DHX35: variants seen among roughly 807,000 people sequenced by gnomAD.
The protein encoded by DHX35 is probable ATP-dependent RNA helicase DHX35.
DHX35 carries 84 observed loss-of-function variants against 99.6 expected under a neutral mutation model. The ratio of observed to expected loss-of-function variants is 0.84; its 90% CI spans 0.71 to 1.01. The LOEUF is 1.01. Ranked by LOEUF, DHX35 falls within the 50% of genes least tolerant of loss-of-function variation. DHX35 has a pLI of 0.00. For synonymous variants in DHX35, 331 were observed against 316.2 expected, an observed-to-expected ratio of 1.05 and a Z score of -0.50; for missense variants, 852 against 888.5, an observed-to-expected ratio of 0.96 and a Z score of 0.52.
At chr20:39,009,990 C>T (rs1374455312) in intron 12 of DHX35, among the ~76,000 whole-genome samples, 1 of 152,074 alleles carries the variant, frequency 6.6e-6, no homozygotes, top group East Asian at 1.9e-4. Context: ...AGTGATTCAG[C>T]AAGTACTTGT....
intron 8 of DHX35, among the ~76,000 whole-genome samples, chr20:38,998,953 C>T (rs939746913): frequency 2.0e-5 from 3 of 152,028 alleles, no homozygotes; most frequent in Admixed American, 6.6e-5. Context: ...CCTGCCACCA[C>T]GCTCAGCCAA....
At chr20:38,998,571 C>T (rs572175226) in intron 8 of DHX35, among the ~76,000 whole-genome samples, 2 of 152,302 alleles carry the variant, frequency 1.3e-5, no homozygotes, top group Admixed American at 1.3e-4. Context: ...ATGCTTCTTA[C>T]CATGTCTGTA....
At position 38,991,512 on chromosome 20, in the gene DHX35, A is replaced by G. The variant is rs778970354; in HGVS notation, c.509A>G (p.Tyr170Cys). 1.2e-5 allele frequency: 20 copies of G among 1,613,182 alleles called. No individual in the cohort carries two copies. The highest frequency in any genetic ancestry group is 2.2e-5 in the East Asian group (1 of 44,840). ...EMMVDPLLTK[Y>C]SVIMLDEAHE... ...ATGGTTGATCCGTTGTTAACAAAAT[A>G]TAGGTAAATGTGTTTTTCTTATGAT... The change falls in exon 6 of 22, where the codon TAT becomes TGT. Residue 170 changes from tyrosine (Y) to cysteine (C), a missense_variant. Physicochemically the swap from Tyr to Cys is radical, Grantham distance 194 (BLOSUM62 -2). Transcript: ENST00000252011.
chr20:38,992,690 A>G (rs117749076), intron 7 of DHX35, among the ~76,000 whole-genome samples: 2,464 of 151,914 alleles, frequency 0.016, 31 homozygotes, highest in Non-Finnish European at 0.026. Context: ...TATATATACT[A>G]ATTTGTATCT....
intron 13 of DHX35, among the ~76,000 whole-genome samples, chr20:39,012,017 G>A (rs1310850757): frequency 6.6e-6 from 1 of 152,204 alleles, no homozygotes; most frequent in African/African-American, 2.4e-5. Context: ...GGAGGCCGAG[G>A]CAGGTGGATC....
chr20:38,991,399 A>T (rs2086334931), intron 5 of DHX35, 55 bp from the exon 6 acceptor site: 2 of 1,513,554 alleles, frequency 1.3e-6, no homozygotes. Flanking sequence ...AAAAAATACC[A>T]TTAATATGTA....
chr20:38,990,492 G>A (rs887330149), intron 5 of DHX35, among the ~76,000 whole-genome samples: 12 of 152,058 alleles, frequency 7.9e-5, no homozygotes, highest in Admixed American at 5.2e-4. Flanking sequence ...TATGCTAAAC[G>A]CTTTACATGT....
At chr20:38,978,041 C>T (rs964870729) in intron 3 of DHX35, 43 of 741,262 alleles carry the variant, frequency 5.8e-5, no homozygotes, top group Admixed American at 3.1e-4. Context: ...TCTTCCTCTT[C>T]ATCTTCTGAC....
chr20:38,987,700 T>G (rs1031744927), intron 4 of DHX35, among the ~76,000 whole-genome samples: 1 of 152,234 alleles, frequency 6.6e-6, no homozygotes, highest in African/African-American at 2.4e-5. Flanking sequence ...CCTGCATTCA[T>G]TTTTTATTTG....
chr20:39,030,887 G>C, intron 20 of DHX35, 112 bp downstream of exon 20: 2 of 1,226,468 alleles, frequency 1.6e-6, no homozygotes, highest in Non-Finnish European at 1.2e-6. Flanking sequence ...TCTGGGCCGG[G>C]CGTGGTGGCT....
rs73289337 is a variant in DHX35 at position 39,000,420 on chromosome 20, G to A, written c.643-1310G>A. On this transcript the variant is annotated intron_variant, in intron 8 of 21. Transcript: ENST00000252011. ...CTTCTAGTGTACCTGTGCTGTGCAT[G>A]TCATAGGGATGCAGGAAGGCTGAAG... Among the ~76,000 whole-genome samples the A allele has an allele frequency of 8.1e-3, 1,235 of 152,286 alleles. 19 individuals carry two copies. The highest frequency in any genetic ancestry group is 0.028 in the African/African-American group (1,156 of 41,544).
intron 9 of DHX35, among the ~76,000 whole-genome samples, 198 bp downstream of exon 9, chr20:39,002,040 A>C (rs563882790): frequency 6.6e-6 from 1 of 152,192 alleles, no homozygotes; most frequent in African/African-American, 2.4e-5. Flanking sequence ...CTGACATGCA[A>C]GTTTCCGTAA....
rs569010268 is a variant in DHX35, at chr20:39,003,509, T to C, written c.853-240T>C. Among the ~76,000 whole-genome samples, 3 of 152,378 alleles carry C rather than the reference T, an allele frequency of 2.0e-5. No homozygotes were observed. In the South Asian group the frequency reaches 6.2e-4, roughly 32 times the overall value. ...TATTTATTGGGAACTCTTCCATTCA[T>C]TGCAGATCATACCGAGTTTTTAGTA... is the stretch of plus-strand genomic sequence containing the variant. On this transcript the variant is annotated intron_variant, in intron 10 of 21. Coordinates refer to ENST00000252011, the MANE Select transcript of DHX35 (RefSeq NM_021931.4).
At chr20:38,995,354 G>A (rs992218166) in intron 8 of DHX35, among the ~76,000 whole-genome samples, 23 of 152,100 alleles carry the variant, frequency 1.5e-4, no homozygotes, top group Admixed American at 2.0e-4. Flanking sequence ...GTGAAACCCC[G>A]TCTCTACTAA....
At chr20:39,016,868 C>CTTTTTTTTTTTT (rs777635952) in intron 14 of DHX35, among the ~76,000 whole-genome samples, 1 of 106,454 alleles carries the variant, frequency 9.4e-6, no homozygotes, top group Non-Finnish European at 2.0e-5. Context: ...GTGCTGTTGT[C>CTTTTTTTTTTTT]TTTTTTTTTT....
At chr20:38,978,133 G>A (rs537032575) in intron 3 of DHX35, 20 of 784,448 alleles carry the variant, frequency 2.5e-5, no homozygotes, top group East Asian at 1.5e-4. Flanking sequence ...TAAGACCACC[G>A]GTGGTATTAT....
intron 3 of DHX35, among the ~76,000 whole-genome samples, chr20:38,973,202 G>C (rs2086028426): frequency 6.6e-6 from 1 of 152,230 alleles, no homozygotes; most frequent in African/African-American, 2.4e-5. Context: ...CTGGGGTGGA[G>C]AAGTGTAGGG....
intron 21 of DHX35, among the ~76,000 whole-genome samples, chr20:39,036,725 C>CAAAAAAAAAA (rs1568767807): frequency 8.5e-6 from 1 of 117,142 alleles, no homozygotes; most frequent in African/African-American, 3.6e-5. Context: ...GACTGTCCCC[C>CAAAAAAAAAA]CAAAAAAAAA....
At chr20:39,021,146 C>T (rs1345064957) in intron 15 of DHX35, among the ~76,000 whole-genome samples, 1 of 152,236 alleles carries the variant, frequency 6.6e-6, no homozygotes, top group East Asian at 1.9e-4. Flanking sequence ...GTGCCTTGGG[C>T]TTCCCAGCTG....
Sources: gnomAD v4.1 joint callset for allele counts (sites outside exome capture counted in the v4.1 genomes callset) on GRCh38, gnomAD v4.1.1 for gene constraint, MANE v1.5 for transcripts, NCBI Gene and HGNC (gene_info 2026-07-23, HGNC 2026-07-21) for gene names.